ABITRAM: variants seen among roughly 807,000 people sequenced by gnomAD.
ABITRAM encodes the protein actin binding transcription modulator, also known as protein Abitram.
A neutral mutation model predicts 22.9 loss-of-function variants in ABITRAM; 19 were observed. The observed-to-expected ratio is 0.83, with a 90% CI of 0.58 to 1.22. The LOEUF (loss-of-function observed/expected upper bound fraction) is 1.22. Among genes scored for constraint, ABITRAM ranks in the 50% most tolerant of loss-of-function variants. The probability of loss-of-function intolerance (pLI) is 0.00; values close to 1 mark genes in which losing one functional copy is unlikely to be tolerated. For missense variants in ABITRAM, 215 were observed against 220.2 expected (o/e 0.98, Z 0.15); for synonymous variants, 70 against 73.9 (o/e 0.95, Z 0.27).
intron 3 of ABITRAM, among the ~76,000 whole-genome samples, chr9:108,947,207 G>A (rs184213297): frequency 3.0e-4 from 45 of 149,546 alleles, no homozygotes; most frequent in African/African-American, 9.6e-4. Flanking sequence ...TCCGCCTCCC[G>A]GGTTCACGCC....
chr9:108,946,678 G>C (rs1319118057), intron 3 of ABITRAM, among the ~76,000 whole-genome samples: 1 of 152,164 alleles, frequency 6.6e-6, no homozygotes, highest in Admixed American at 6.5e-5. Flanking sequence ...ATGGGGGCAG[G>C]AGCTTTGCTT....
intron 3 of ABITRAM, among the ~76,000 whole-genome samples, chr9:108,937,754 G>A (rs1046900168): frequency 3.9e-5 from 6 of 151,952 alleles, no homozygotes; most frequent in African/African-American, 1.2e-4. Flanking sequence ...TTGGGAAGCC[G>A]AGGCGGGAAG....
chr9:108,950,656 A>C, exon 4 of ABITRAM: 1 of 1,529,002 alleles, frequency 6.5e-7, no homozygotes, highest in Non-Finnish European at 8.8e-7. Context: ...CTGCTGCCTC[A>C]CCTATCCCAT....
rs1340514375 is a variant in ABITRAM at position 108,936,391 on chromosome 9, C to A, written c.215C>A (p.Thr72Asn). The A allele has an allele frequency of 1.2e-6, 2 of 1,613,958 alleles. No individual in the cohort carries two copies. The highest frequency in any genetic ancestry group is 1.7e-6 in the Non-Finnish European group (2 of 1,179,928). The change falls in exon 3 of 6, where the codon ACC becomes AAC. Residue 72 changes from threonine to asparagine, a missense_variant. Thr to Asn is a moderately conservative substitution (Grantham distance 65). Coordinates refer to ENST00000322940, the MANE Select transcript of ABITRAM (RefSeq NM_017832.4). The stretch of plus-strand genomic sequence containing the variant: ...AAAAGCATTTCCTATCAGATCAGTA[C>A]CAACTGTAGCAGACTTCAGAACAAG... Reference protein sequence around the residue: ...TIKSISYQISTNCSRLQNKVS... With the variant: ...TIKSISYQISNNCSRLQNKVS...
At position 108,939,263 on chromosome 9, in the gene ABITRAM, CT is replaced by C; in HGVS notation, c.330del (p.Val111CysfsTer9). 6.2e-7 allele frequency: 1 copy of C among 1,613,862 alleles called. No individual in the cohort carries two copies. The highest frequency in any genetic ancestry group is 8.5e-7 in the Non-Finnish European group (1 of 1,179,878). ...KIYCSDGEEY[T>X]VSSCVRGRLM... ...TACTGCTCAGATGGTGAAGAATATA[CT>C]GTGTCTAGGTGAGTAACTTTTTAGC... On this transcript the variant is annotated frameshift_variant, in exon 4 of 6. Coordinates refer to ENST00000322940, the MANE Select transcript of ABITRAM (RefSeq NM_017832.4). LOFTEE classifies it high-confidence loss of function.
intron 1 of ABITRAM, 99 bp downstream of exon 1, chr9:108,934,664 C>A: frequency 1.7e-6 from 2 of 1,163,428 alleles, no homozygotes; most frequent in Non-Finnish European, 2.4e-6. Context: ...CTCCCTGGCT[C>A]TCCGTCCCCA....
chr9:108,941,890 C>T (rs114773603), downstream of ABITRAM, among the ~76,000 whole-genome samples: 71 of 152,270 alleles, frequency 4.7e-4, 1 homozygote, highest in Middle Eastern at 3.4e-3. Flanking sequence ...AAGCTTTAAA[C>T]TCCTAAATTA....
chr9:108,935,879 C>G, intron 2 of ABITRAM, 190 bp downstream of exon 2: 1 of 576,296 alleles, frequency 1.7e-6, no homozygotes, highest in Non-Finnish European at 3.1e-6. Context: ...TGCCTGGCCA[C>G]TCTGAACATA....
At chr9:108,942,165 T>C (rs536217833), downstream of ABITRAM, among the ~76,000 whole-genome samples, 67 of 152,364 alleles carry the variant, frequency 4.4e-4, no homozygotes, top group African/African-American at 1.5e-3. Flanking sequence ...TCCAGGATTC[T>C]GTGGAGTTCC....
At chr9:108,934,667 C>A in intron 1 of ABITRAM, 102 bp downstream of exon 1, 1 of 1,117,986 alleles carries the variant, frequency 8.9e-7, no homozygotes, top group Non-Finnish European at 1.3e-6. Flanking sequence ...CCTGGCTCTC[C>A]GTCCCCACGT....
At chr9:108,950,527 G>T in exon 4 of ABITRAM, 1 of 1,550,250 alleles carries the variant, frequency 6.5e-7, no homozygotes, top group Non-Finnish European at 8.7e-7. Context: ...ATCTAGAAAA[G>T]GTAGAAGACG....
chr9:108,947,215 G>A (rs958622568), intron 3 of ABITRAM, among the ~76,000 whole-genome samples: 17 of 150,270 alleles, frequency 1.1e-4, no homozygotes, highest in Non-Finnish European at 2.4e-4. Context: ...CCGGGTTCAC[G>A]CCACTCTCCT....
downstream of ABITRAM, among the ~76,000 whole-genome samples, chr9:108,943,333 GA>G (rs1830302292): frequency 6.6e-6 from 1 of 152,132 alleles, no homozygotes; most frequent in Non-Finnish European, 1.5e-5. Flanking sequence ...CCAAATAGTG[GA>G]ATTAAATCCC....
intron 1 of ABITRAM, 73 bp from the exon 2 acceptor site, chr9:108,935,565 G>A (rs1374960590): frequency 1.7e-6 from 2 of 1,179,936 alleles, no homozygotes; most frequent in African/African-American, 3.0e-5. Context: ...TCAACTATAT[G>A]ACCCAAAGAA....
At chr9:108,949,806 T>G (rs1398053629) in intron 3 of ABITRAM, among the ~76,000 whole-genome samples, 1 of 152,054 alleles carries the variant, frequency 6.6e-6, no homozygotes, top group Non-Finnish European at 1.5e-5. Flanking sequence ...ATTGCACCAC[T>G]GCACTCCAGC....
chr9:108,944,826 A>G (rs1830353600), downstream of ABITRAM, among the ~76,000 whole-genome samples: 1 of 152,192 alleles, frequency 6.6e-6, no homozygotes, highest in Non-Finnish European at 1.5e-5. Flanking sequence ...CAATAATTCC[A>G]GGGTTAATTT....
chr9:108,943,133 C>A, downstream of ABITRAM: 1 of 1,196,138 alleles, frequency 8.4e-7, no homozygotes, highest in South Asian at 1.5e-5. Context: ...GATAAAATTT[C>A]TCCATATGGA....
downstream of ABITRAM, among the ~76,000 whole-genome samples, chr9:108,945,766 T>C (rs1237468827): frequency 1.3e-5 from 2 of 152,160 alleles, no homozygotes; most frequent in African/African-American, 4.8e-5. Flanking sequence ...TGAGCCATTG[T>C]GCCCAGACTG....
chr9:108,946,477 A>G (rs1830407920), intron 3 of ABITRAM, among the ~76,000 whole-genome samples: 1 of 151,982 alleles, frequency 6.6e-6, no homozygotes, highest in Non-Finnish European at 1.5e-5. Flanking sequence ...CTCTACCCAC[A>G]TTTATCCATC....
Sources: allele counts gnomAD v4.1 joint callset (sites outside exome capture counted in the v4.1 genomes callset), GRCh38; gene constraint gnomAD v4.1.1; transcripts MANE v1.5; gene names NCBI Gene and HGNC (gene_info 2026-07-23, HGNC 2026-07-21).